The following PSAP variants were observed in gnomAD, a reference collection of about 807,000 sequenced individuals.
PSAP encodes the protein prosaposin, also known as precursor of saposins.
PSAP carries 25 observed loss-of-function variants against 66.0 expected under a neutral mutation model. The ratio of observed to expected loss-of-function variants is 0.38; its 90% confidence interval spans 0.28 to 0.53. The LOEUF (loss-of-function observed/expected upper bound fraction) is 0.53. Ranked by LOEUF, PSAP falls within the 20% of genes least tolerant of loss-of-function variation. The pLI is 0.83. For synonymous variants in PSAP, 273 were observed against 258.9 expected (o/e 1.05, Z -0.52); for missense variants, 649 against 668.8 (o/e 0.97, Z 0.33).
rs1345273801 is a variant in PSAP at position 71,816,687 on chromosome 10, G to A, written c.*754C>T. 1 of 316,574 alleles carries A rather than the reference G, an allele frequency of 3.2e-6. No individual in the cohort carries two copies. The highest frequency in any genetic ancestry group is 2.6e-5 in the South Asian group (1 of 39,170). 19.6% of individuals were successfully genotyped at this position (316,574 alleles called of 1,614,324 possible). ...ACAGCGCGGCCACCACTGTCCACAC[G>A]CTCACACAAGCCAGGCCCGCAGGGC... On this transcript the variant is annotated 3_prime_UTR_variant, in exon 14 of 14. Transcript: ENST00000394936.
intron 13 of PSAP, among the ~76,000 whole-genome samples, chr10:71,817,682 C>G (rs1315955911): frequency 6.6e-6 from 1 of 152,192 alleles, no homozygotes. Context: ...TTCTAAGGCA[C>G]GAGTCCAGAG....
chr10:71,825,619 A>T lies in PSAP; in HGVS notation c.777+218T>A, dbSNP rs1357902746. ...CAAATTGCCAGGAAGCCACCAGGGC[A>T]GTCCTGGGATCAAGATGCTTCAGCC... is the stretch of plus-strand genomic sequence containing the variant. On this transcript the variant is annotated intron_variant, in intron 7 of 13. Transcript: ENST00000394936. 4.5e-6 allele frequency: 3 copies of T among 672,832 alleles called. No individual in the cohort carries two copies. In the African/African-American group the frequency reaches 5.3e-5, roughly 12 times the overall value. The allele number at this position is 672,832 out of a possible 1,614,324, so 41.7% of individuals were successfully genotyped here.
At chr10:71,836,771 A>G (rs1564823670) in intron 1 of PSAP, among the ~76,000 whole-genome samples, 1 of 152,202 alleles carries the variant, frequency 6.6e-6, no homozygotes, top group Non-Finnish European at 1.5e-5. Context: ...GGAACTAGCT[A>G]CAGCTGACCA....
At chr10:71,834,245 G>C (rs1240284075) in intron 2 of PSAP, 127 bp downstream of exon 2, 1 of 1,459,752 alleles carries the variant, frequency 6.9e-7, no homozygotes, top group Non-Finnish European at 9.4e-7. Flanking sequence ...CCCACACAGA[G>C]TCACAGTGAG....
chr10:71,841,130 G>A (rs1233469733), intron 1 of PSAP, among the ~76,000 whole-genome samples: 4 of 152,140 alleles, frequency 2.6e-5, no homozygotes, highest in Non-Finnish European at 4.4e-5. Context: ...GGTCAGAGGC[G>A]GGCTCTGCAT....
In PSAP at chr10:71,846,731, C is replaced by CA. The variant is rs56323015; in HGVS notation, c.40+4450dup. On this transcript the variant is annotated intron_variant, in intron 1 of 13. Transcript: ENST00000394936. ...TGGGCAACAGAGTAAGACCCTGTCTCAAAAAAAAAAAAAAAAAAAAAAAAA... is the reference window on the plus strand; with the variant it reads ...TGGGCAACAGAGTAAGACCCTGTCTCAAAAAAAAAAAAAAAAAAAAAAAAAA... Among the ~76,000 whole-genome samples, 125 of 49,684 alleles carry CA rather than the reference C, an allele frequency of 2.5e-3. 2 individuals are homozygous for CA. The highest frequency in any genetic ancestry group is 6.7e-3 in the Admixed American group (28 of 4,190). The allele number at this position is 49,684 out of a possible 152,430, so 32.6% of individuals were successfully genotyped here.
intron 1 of PSAP, among the ~76,000 whole-genome samples, chr10:71,840,725 TCTC>T (rs1424257794): frequency 6.6e-6 from 1 of 152,148 alleles, no homozygotes; most frequent in Non-Finnish European, 1.5e-5. Flanking sequence ...CTTCCCTGCT[TCTC>T]CTCTGCTGCT....
At chr10:71,840,353 G>T (rs181606592) in intron 1 of PSAP, among the ~76,000 whole-genome samples, 1 of 152,174 alleles carries the variant, frequency 6.6e-6, no homozygotes, top group African/African-American at 2.4e-5. Flanking sequence ...GGCTTCTACC[G>T]CAGGGCATTT....
At chr10:71,843,268 G>A (rs1417493309) in intron 1 of PSAP, among the ~76,000 whole-genome samples, 1 of 152,198 alleles carries the variant, frequency 6.6e-6, no homozygotes, top group Non-Finnish European at 1.5e-5. Context: ...GAAGGAAGGG[G>A]CCAGAAGGCT....
intron 1 of PSAP, among the ~76,000 whole-genome samples, chr10:71,850,688 T>C (rs372598289): frequency 2.6e-5 from 4 of 152,260 alleles, no homozygotes; most frequent in Non-Finnish European, 2.9e-5. Flanking sequence ...TAAATACATA[T>C]GCAAACGTCA....
At chr10:71,821,780 G>T in intron 8 of PSAP, 96 bp downstream of exon 8, 1 of 1,555,362 alleles carries the variant, frequency 6.4e-7, no homozygotes, top group South Asian at 1.1e-5. Flanking sequence ...GCAGGGAACC[G>T]AAAGAAACAA....
intron 1 of PSAP, among the ~76,000 whole-genome samples, chr10:71,846,731 CAAAAAAAAAAAAAA>C (rs56323015): frequency 4.4e-4 from 22 of 49,690 alleles, no homozygotes; most frequent in Non-Finnish European, 6.1e-4. Context: ...GACCCTGTCT[CAAAAAAAAAAAAAA>C]AAAAAAAAAA....
At chr10:71,835,002 CA>C (rs1842593597) in intron 1 of PSAP, among the ~76,000 whole-genome samples, 1 of 151,774 alleles carries the variant, frequency 6.6e-6, no homozygotes, top group Non-Finnish European at 1.5e-5. Flanking sequence ...TTTGGGAGGC[CA>C]AGGTGGGTGG....
Position 71,817,258 on chromosome 10 carries a change from C to A in PSAP, c.*183G>T. 1 of 739,664 alleles carries A rather than the reference C, an allele frequency of 1.4e-6. No individual in the cohort carries two copies. 45.8% of individuals were successfully genotyped at this position (739,664 alleles called of 1,614,324 possible). A position where few individuals can be genotyped will look rare whatever the true frequency, so the allele number is the denominator to read the frequency against. On this transcript the variant is annotated 3_prime_UTR_variant, in exon 14 of 14. Transcript: ENST00000394936. ...AAAAGGGGCACTGAAGCAGCTATGTCTGCCAGGGGCTAGGGGCTCCCTTGC... is the reference window on the plus strand; with the variant it reads ...AAAAGGGGCACTGAAGCAGCTATGTATGCCAGGGGCTAGGGGCTCCCTTGC...
In PSAP at chr10:71,819,900, T is replaced by C; in HGVS notation, c.1006A>G (p.Lys336Glu). The C allele has an allele frequency of 6.2e-7, 1 of 1,613,562 alleles. No individual in the cohort carries two copies. The highest frequency in any genetic ancestry group is 8.5e-7 in the Non-Finnish European group (1 of 1,179,684). The change falls in exon 10 of 14, where the codon AAA becomes GAA. Residue 336 changes from lysine to glutamate, a missense_variant and splice_region_variant. Physicochemically the swap from Lys to Glu is moderately conservative, Grantham distance 56. Transcript: ENST00000394936. ...TTGTCAAAAGCGTCGAGTATTTCTTTCTGAAACACACGAGAGGATCGTGTG... is the reference window on the plus strand; with the variant it reads ...TTGTCAAAAGCGTCGAGTATTTCTTCCTGAAACACACGAGAGGATCGTGTG... ...TKLIDNNKTE[K>E]EILDAFDKMC...
intron 7 of PSAP, among the ~76,000 whole-genome samples, chr10:71,823,678 G>A (rs912257263): frequency 1.3e-5 from 2 of 152,162 alleles, no homozygotes; most frequent in Non-Finnish European, 2.9e-5. Flanking sequence ...GGACCCCGAA[G>A]GGGAGATGAG....
intron 1 of PSAP, among the ~76,000 whole-genome samples, chr10:71,838,933 G>A (rs894636965): frequency 2.0e-5 from 3 of 152,140 alleles, no homozygotes; most frequent in African/African-American, 7.2e-5. Flanking sequence ...TAACAAGGCA[G>A]ATAACATTTT....
intron 1 of PSAP, among the ~76,000 whole-genome samples, chr10:71,834,767 T>G (rs1301802154): frequency 6.6e-6 from 1 of 152,110 alleles, no homozygotes; most frequent in African/African-American, 2.4e-5. Context: ...TATCAGGGAG[T>G]ATCAGAACTT....
At chr10:71,821,156 C>A (rs1244918697) in intron 8 of PSAP, among the ~76,000 whole-genome samples, 1 of 152,256 alleles carries the variant, frequency 6.6e-6, no homozygotes, top group African/African-American at 2.4e-5. Flanking sequence ...CTGGGTCACA[C>A]ACTCTGCACA....
Sources: gnomAD v4.1 joint callset for allele counts (sites outside exome capture counted in the v4.1 genomes callset) on GRCh38, gnomAD v4.1.1 for gene constraint, MANE v1.5 for transcripts, NCBI Gene and HGNC (gene_info 2026-07-23, HGNC 2026-07-21) for gene names.